The following KIFC3 variants were observed in gnomAD, a reference collection of about 807,000 sequenced individuals.
The protein encoded by KIFC3 is kinesin-like protein KIFC3.
In KIFC3, 60 loss-of-function variants were observed where a neutral mutation model predicts 101.8. The ratio of observed to expected loss-of-function variants is 0.59; its 90% CI spans 0.48 to 0.73. KIFC3 has a LOEUF of 0.73. Ranked by LOEUF, KIFC3 falls within the 30% of genes least tolerant of loss-of-function variation. The probability of loss-of-function intolerance (pLI) is 0.00; values close to 1 mark genes in which losing one functional copy is unlikely to be tolerated. For missense variants in KIFC3, 966 were observed against 1,137.1 expected, an observed-to-expected ratio of 0.85 and a Z score of 2.16; for synonymous variants, 476 against 482.7, an observed-to-expected ratio of 0.99 and a Z score of 0.18.
intron 3 of KIFC3, among the ~76,000 whole-genome samples, chr16:57,793,043 T>G (rs1211306346): frequency 6.6e-6 from 1 of 152,014 alleles, no homozygotes; most frequent in Non-Finnish European, 1.5e-5. Context: ...TCCCAGCACT[T>G]TGGGAGGTTG....
At chr16:57,822,373 T>C (rs2055366644) in intron 1 of KIFC3, among the ~76,000 whole-genome samples, 1 of 152,178 alleles carries the variant, frequency 6.6e-6, no homozygotes, top group Non-Finnish European at 1.5e-5. Flanking sequence ...TGGAGGGCCT[T>C]TCATTCTACA....
At chr16:57,803,846 G>T (rs1339480055), upstream of KIFC3, among the ~76,000 whole-genome samples, 1 of 152,214 alleles carries the variant, frequency 6.6e-6, no homozygotes, top group Non-Finnish European at 1.5e-5. Flanking sequence ...CTTATTTGGG[G>T]AGTTATGATC....
chr16:57,854,180 G>T (rs1053346068), intron 1 of KIFC3, among the ~76,000 whole-genome samples: 32 of 152,036 alleles, frequency 2.1e-4, no homozygotes, highest in African/African-American at 7.7e-4. Context: ...GAGTTCAAGC[G>T]ATTCACCTGC....
chr16:57,791,898 G>A (rs2053901209), intron 3 of KIFC3, among the ~76,000 whole-genome samples: 1 of 152,200 alleles, frequency 6.6e-6, no homozygotes, highest in Non-Finnish European at 1.5e-5. Context: ...TTTTGGTTCA[G>A]TTTTCAGATG....
chr16:57,852,315 A>C (rs1281527389), intron 1 of KIFC3, among the ~76,000 whole-genome samples: 1 of 152,004 alleles, frequency 6.6e-6, no homozygotes, highest in African/African-American at 2.4e-5. Flanking sequence ...CAGTTTTATT[A>C]GTTCCTTTCT....
At chr16:57,772,158 G>A in intron 4 of KIFC3, 65 bp downstream of exon 4, 3 of 1,421,242 alleles carry the variant, frequency 2.1e-6, no homozygotes, top group East Asian at 2.3e-5. Flanking sequence ...CCTGCCCCTG[G>A]CAGGGCCCAT....
chr16:57,766,997 T>G lies in KIFC3; in HGVS notation c.1219-12A>C, dbSNP rs1597920098. On this transcript the variant is annotated splice_polypyrimidine_tract_variant and intron_variant, in intron 9 of 19. Coordinates refer to ENST00000445690, the MANE Select transcript of KIFC3 (RefSeq NM_001130100.2). ...ATGGCCTGGCCTATCTGGTGGGGGG[T>G]GCACACCACTGTCAGGGGGACGGCT... The G allele has an allele frequency of 6.3e-7, 1 of 1,590,012 alleles. No individual in the cohort carries two copies. Among genetic ancestry groups the G allele is most frequent in the Non-Finnish European group, 8.6e-7 (1 of 1,159,504 alleles).
rs752459031 is a variant in KIFC3, at chr16:57,848,230, C to T, written c.108+14499G>A. ...GGAGATTCTATTAAAGCTATAAGCT[C>T]GTTTTGTTCAGATGAACATTCATTT... On this transcript the variant is annotated intron_variant, in intron 1 of 2. Coordinates refer to the KIFC3 transcript ENST00000563028. Among the ~76,000 whole-genome samples, 5 of 152,158 alleles carry T rather than the reference C, an allele frequency of 3.3e-5. No individual in the cohort carries two copies. The East Asian group carries it at 7.7e-4, about 23-fold the overall frequency.
At chr16:57,850,956 T>C in intron 1 of KIFC3, among the ~76,000 whole-genome samples, 1 of 18,670 alleles carries the variant, frequency 5.4e-5, no homozygotes, top group South Asian at 2.3e-3. Flanking sequence ...CCTCCTTCCT[T>C]CCTTCCTTCC....
chr16:57,798,199 C>G lies in KIFC3; in HGVS notation c.45G>C (p.Ser15=). Residue 15 remains serine (S), a synonymous_variant, in exon 2 of 20, where the codon TCG becomes TCC. Coordinates refer to ENST00000445690, the MANE Select transcript of KIFC3 (RefSeq NM_001130100.2). ...GGCCCACTCTCCACAGGCCCCGCAG[C>G]GAGGGCGTGGCTCCCAGGTTCCACG... The part of the protein sequence containing the change: ...RRTWNLGATP[S]LRGLWRVGRA... 1 of 1,544,562 alleles carries G rather than the reference C, an allele frequency of 6.5e-7. No homozygotes were observed. Among genetic ancestry groups the G allele is most frequent in the South Asian group, 1.2e-5 (1 of 83,142 alleles).
chr16:57,844,779 C>T (rs2055883899), intron 1 of KIFC3, among the ~76,000 whole-genome samples: 1 of 152,162 alleles, frequency 6.6e-6, no homozygotes, highest in Admixed American at 6.6e-5. Context: ...TATGCTGGAG[C>T]CCACAGCAGC....
At position 57,762,272 on chromosome 16, in the gene KIFC3, T is replaced by C; in HGVS notation, c.1618-2A>G. On this transcript the variant is annotated splice_acceptor_variant, in intron 12 of 19. Coordinates refer to ENST00000445690, the MANE Select transcript of KIFC3 (RefSeq NM_001130100.2). LOFTEE classifies it high-confidence loss of function. ...GATACCTGGGTTCTCAGCGGTCCCC[T>C]GGGGACAGAAGGAAAGGCCCCAGTA... The C allele has an allele frequency of 6.5e-7, 1 of 1,549,768 alleles. No individual in the cohort carries two copies. The highest frequency in any genetic ancestry group is 8.7e-7 in the Non-Finnish European group (1 of 1,145,962).
In KIFC3 at chr16:57,763,305, G is replaced by A. The variant is rs557110542; in HGVS notation, c.1617+838C>T. Reference sequence around the variant, plus strand: ...CTAAGCAATCCCAAAGCAGAGCGGGGAGCCCAGAGGATGCCGCACACATCC... The same window carrying A: ...CTAAGCAATCCCAAAGCAGAGCGGGAAGCCCAGAGGATGCCGCACACATCC... On this transcript the variant is annotated intron_variant, in intron 12 of 19. Coordinates refer to ENST00000445690, the MANE Select transcript of KIFC3 (RefSeq NM_001130100.2). Among the ~76,000 whole-genome samples, 4 of 152,264 alleles carry A rather than the reference G, an allele frequency of 2.6e-5. No homozygotes were observed. In the South Asian group the frequency reaches 8.3e-4, roughly 32 times the overall value.
At chr16:57,829,893 G>T (rs1555478905) in intron 1 of KIFC3, among the ~76,000 whole-genome samples, 1 of 152,168 alleles carries the variant, frequency 6.6e-6, no homozygotes, top group Non-Finnish European at 1.5e-5. Flanking sequence ...GAAGCCATTG[G>T]AGCAGAGGAG....
At chr16:57,797,889 G>A (rs2054466714) in intron 2 of KIFC3, 183 bp downstream of exon 2, 16 of 1,474,596 alleles carry the variant, frequency 1.1e-5, no homozygotes, top group Non-Finnish European at 1.4e-5. Context: ...GGGGCGCAGG[G>A]AAGGAGCGCC....
chr16:57,804,869 A>AC (rs1180136799), upstream of KIFC3, among the ~76,000 whole-genome samples: 1 of 149,310 alleles, frequency 6.7e-6, no homozygotes, highest in Non-Finnish European at 1.5e-5. Context: ...TCCTGGGATT[A>AC]CAGATGTGAA....
rs140453804 is a variant in KIFC3, at chr16:57,782,903, G to A, written c.316-10615C>T. ...GGAGATTGCAGTGAGCCGAGATTGC[G>A]CCATTGCATTCCAGCCTGGGCAACA... On this transcript the variant is annotated intron_variant, in intron 3 of 19. Coordinates refer to ENST00000445690, the MANE Select transcript of KIFC3 (RefSeq NM_001130100.2). 9.7e-4 allele frequency among the ~76,000 whole-genome samples: 147 copies of A among 152,322 alleles called. 1 individual carries two copies. The highest frequency in any genetic ancestry group is 3.0e-3 in the African/African-American group (125 of 41,572).
At chr16:57,844,053 A>G (rs1358683818) in intron 1 of KIFC3, among the ~76,000 whole-genome samples, 5 of 151,876 alleles carry the variant, frequency 3.3e-5, no homozygotes, top group African/African-American at 7.3e-5. Context: ...GGTTGCTGTG[A>G]GCAAAGATTG....
intron 1 of KIFC3, among the ~76,000 whole-genome samples, chr16:57,840,019 A>G (rs1241157640): frequency 6.6e-6 from 1 of 152,142 alleles, no homozygotes; most frequent in Non-Finnish European, 1.5e-5. Context: ...CAGTCTCAGT[A>G]AATGGCCACA....
Sources: allele counts gnomAD v4.1 joint callset (sites outside exome capture counted in the v4.1 genomes callset), GRCh38; gene constraint gnomAD v4.1.1; transcripts MANE v1.5; gene names NCBI Gene and HGNC (gene_info 2026-07-23, HGNC 2026-07-21).